COL22A1: variants seen among roughly 807,000 people sequenced by gnomAD.
COL22A1 encodes the protein collagen alpha-1(XXII) chain.
Under a neutral mutation model 248.9 loss-of-function variants are expected in COL22A1, and 221 were observed. The observed-to-expected ratio is 0.89, with a 90% CI of 0.80 to 0.99. COL22A1 has a LOEUF of 0.99. Among genes scored for constraint, COL22A1 ranks in the 50% least tolerant of loss-of-function variants. The pLI is 0.00. For missense variants in COL22A1, 2,240 were observed against 2,179.0 expected (o/e 1.03, Z -0.56); for synonymous variants, 891 against 793.4 (o/e 1.12, Z -2.07).
At chr8:138,802,361 G>C (rs1817068776) in intron 11 of COL22A1, among the ~76,000 whole-genome samples, 1 of 152,014 alleles carries the variant, frequency 6.6e-6, no homozygotes, top group South Asian at 2.1e-4. Context: ...CACAGATCAG[G>C]ACACCTGGGA....
intron 3 of COL22A1, among the ~76,000 whole-genome samples, chr8:138,863,351 A>G (rs1213581926): frequency 5.9e-5 from 9 of 152,104 alleles, no homozygotes; most frequent in Admixed American, 5.9e-4. Context: ...AGAGTTCCCA[A>G]TGAGACAATT....
At chr8:138,635,569 C>T (rs1293537916) in intron 48 of COL22A1, among the ~76,000 whole-genome samples, 1 of 152,124 alleles carries the variant, frequency 6.6e-6, no homozygotes, top group Non-Finnish European at 1.5e-5. Context: ...AGATTTGTTT[C>T]TCCATGTGTA....
chr8:138,690,939 T>C (rs1446316743), intron 35 of COL22A1, 65 bp from the exon 36 acceptor site: 7 of 1,303,514 alleles, frequency 5.4e-6, no homozygotes, highest in Non-Finnish European at 7.5e-6. Flanking sequence ...CCCCACTCTC[T>C]CTGCAAATCT....
chr8:138,852,053 G>A (rs926933758), intron 3 of COL22A1, among the ~76,000 whole-genome samples: 3 of 152,054 alleles, frequency 2.0e-5, no homozygotes, highest in Non-Finnish European at 2.9e-5. Context: ...GCAGGAATTG[G>A]GGGAGTGATG....
chr8:138,801,422 G>A (rs1456238233), intron 11 of COL22A1, among the ~76,000 whole-genome samples: 3 of 152,130 alleles, frequency 2.0e-5, no homozygotes, highest in Non-Finnish European at 4.4e-5. Context: ...GGGTGCTGAG[G>A]GAATTGCATT....
At chr8:138,628,760 CTTTTTTTTTTTT>C (rs56318714) in intron 50 of COL22A1, among the ~76,000 whole-genome samples, 7 of 124,286 alleles carry the variant, frequency 5.6e-5, no homozygotes, top group Non-Finnish European at 7.8e-5. Flanking sequence ...AGATCCACAT[CTTTTTTTTTTTT>C]TTTTTTTTTT....
At chr8:138,635,087 C>A (rs1821036756) in intron 48 of COL22A1, 24 bp from the exon 49 acceptor site, 6 of 1,582,812 alleles carry the variant, frequency 3.8e-6, no homozygotes, top group African/African-American at 1.4e-5. Flanking sequence ...AGATGCAATT[C>A]TTTAAAATGA....
chr8:138,844,767 G>A (rs1285864227), intron 3 of COL22A1, among the ~76,000 whole-genome samples: 8 of 152,118 alleles, frequency 5.3e-5, no homozygotes, highest in East Asian at 3.9e-4. Flanking sequence ...TGGCTAACAC[G>A]GTGAAACCCC....
intron 39 of COL22A1, among the ~76,000 whole-genome samples, chr8:138,681,826 C>T (rs976387363): frequency 2.0e-5 from 3 of 152,126 alleles, no homozygotes; most frequent in Non-Finnish European, 2.9e-5. Context: ...TATGTATTTA[C>T]TCATATCACA....
chr8:138,727,548 C>T (rs1296599972), intron 23 of COL22A1, among the ~76,000 whole-genome samples: 1 of 152,192 alleles, frequency 6.6e-6, no homozygotes, highest in African/African-American at 2.4e-5. Flanking sequence ...AACAACACTG[C>T]ATGGCCACTA....
intron 37 of COL22A1, 148 bp downstream of exon 37, chr8:138,688,769 T>A: frequency 1.5e-6 from 1 of 661,880 alleles, no homozygotes; most frequent in Non-Finnish European, 2.7e-6. Flanking sequence ...GCCAATGGGA[T>A]GGCACAGTCT....
chr8:138,833,865 T>C (rs1321569034), intron 4 of COL22A1, among the ~76,000 whole-genome samples: 1 of 152,086 alleles, frequency 6.6e-6, no homozygotes, highest in Non-Finnish European at 1.5e-5. Flanking sequence ...CTGGGCAAGC[T>C]ACATGACCCA....
At chr8:138,734,190 A>G (rs1163946150) in intron 23 of COL22A1, among the ~76,000 whole-genome samples, 2 of 152,186 alleles carry the variant, frequency 1.3e-5, no homozygotes, top group Admixed American at 6.5e-5. Context: ...AACTGTCTTC[A>G]ATGACAGTCG....
chr8:138,843,516 AG>A (rs1336540163), intron 4 of COL22A1, among the ~76,000 whole-genome samples: 2 of 152,204 alleles, frequency 1.3e-5, no homozygotes, highest in Non-Finnish European at 2.9e-5. Flanking sequence ...GCCCGGCCAC[AG>A]GGAGGACTGG....
intron 1 of COL22A1, among the ~76,000 whole-genome samples, chr8:138,893,188 G>A (rs1200735539): frequency 6.6e-6 from 1 of 152,216 alleles, no homozygotes; most frequent in Admixed American, 6.5e-5. Flanking sequence ...GTCCTCTTCA[G>A]TCAACAAATA....
In COL22A1 at chr8:138,619,526, A is replaced by G. The variant is rs1408506987; in HGVS notation, c.3772-18T>C. On this transcript the variant is annotated intron_variant, in intron 52 of 64. Transcript: ENST00000303045. ...GCTTTGCCCTGAGAGTAAGGAAGAAAAGAAGAGTTTGAGGACAACATTGTA... is the reference window on the plus strand; with the variant it reads ...GCTTTGCCCTGAGAGTAAGGAAGAAGAGAAGAGTTTGAGGACAACATTGTA... 1.2e-6 allele frequency: 2 copies of G among 1,613,008 alleles called. No individual in the cohort carries two copies. Among genetic ancestry groups the G allele is most frequent in the Non-Finnish European group, 1.7e-6 (2 of 1,178,994 alleles).
chr8:138,596,672 T>C (rs952835503), intron 62 of COL22A1, among the ~76,000 whole-genome samples: 1 of 152,146 alleles, frequency 6.6e-6, no homozygotes, highest in Non-Finnish European at 1.5e-5. Flanking sequence ...GATAGTGAGC[T>C]CTCCTTCACT....
intron 21 of COL22A1, 91 bp from the exon 22 acceptor site, chr8:138,751,602 C>T (rs542481237): frequency 2.3e-6 from 2 of 864,352 alleles, no homozygotes; most frequent in East Asian, 2.5e-5. Context: ...ATCTCACCCT[C>T]ATTGAATAGT....
At chr8:138,755,928 C>T in intron 18 of COL22A1, 99 bp from the exon 19 acceptor site, 1 of 969,952 alleles carries the variant, frequency 1.0e-6, no homozygotes, top group Non-Finnish European at 1.6e-6. Flanking sequence ...CAGGGGACCA[C>T]ACCCCTCCCT....
Sources: allele counts gnomAD v4.1 joint callset (sites outside exome capture counted in the v4.1 genomes callset), GRCh38; gene constraint gnomAD v4.1.1; transcripts MANE v1.5; gene names NCBI Gene and HGNC (gene_info 2026-07-23, HGNC 2026-07-21).